Variants in NLK observed in about 807,000 individuals in gnomAD.
NLK encodes the protein serine/threonine-protein kinase NLK.
In NLK, 11 loss-of-function variants were observed where a neutral mutation model predicts 59.0. That is an observed-to-expected ratio of 0.19 (90% CI 0.12 to 0.31). The LOEUF (loss-of-function observed/expected upper bound fraction) is 0.31. Ranked by LOEUF, NLK falls within the 10% of genes least tolerant of loss-of-function variation. The pLI, the probability that NLK is intolerant of heterozygous loss-of-function variation, is 1.00. For synonymous variants in NLK, 235 were observed against 235.9 expected (o/e 1.00, Z 0.03); for missense variants, 410 against 661.1 (o/e 0.62, Z 4.16).
chr17:28,053,923 G>T (rs1389854564), intron 1 of NLK, among the ~76,000 whole-genome samples: 1 of 152,088 alleles, frequency 6.6e-6, no homozygotes, highest in Non-Finnish European at 1.5e-5. Flanking sequence ...TACCCAAAGG[G>T]TACAATTATC....
chr17:28,149,693 C>T (rs1907402143), intron 3 of NLK, among the ~76,000 whole-genome samples: 1 of 152,122 alleles, frequency 6.6e-6, no homozygotes, highest in African/African-American at 2.4e-5. Flanking sequence ...AGATGAATAG[C>T]CATAACAGTG....
intron 1 of NLK, among the ~76,000 whole-genome samples, chr17:28,082,166 G>A (rs529988079): frequency 4.1e-4 from 63 of 152,300 alleles, no homozygotes; most frequent in Middle Eastern, 3.4e-3. Flanking sequence ...GCCTCCCAAA[G>A]TGCTGGGATT....
intron 1 of NLK, among the ~76,000 whole-genome samples, chr17:28,083,179 AAT>A (rs1387464446): frequency 6.6e-6 from 1 of 152,158 alleles, no homozygotes; most frequent in Non-Finnish European, 1.5e-5. Flanking sequence ...TTATTTGTTT[AAT>A]TATTAGATGA....
intron 2 of NLK, among the ~76,000 whole-genome samples, chr17:28,128,298 A>G (rs1488188894): frequency 1.3e-5 from 2 of 152,204 alleles, no homozygotes; most frequent in Non-Finnish European, 2.9e-5. Flanking sequence ...TAAGAACTAA[A>G]TGTTCAATTA....
At chr17:28,093,608 G>A (rs753879349) in intron 1 of NLK, among the ~76,000 whole-genome samples, 4 of 152,220 alleles carry the variant, frequency 2.6e-5, no homozygotes, top group Non-Finnish European at 5.9e-5. Flanking sequence ...AACATACACT[G>A]TAGAGTCCAA....
chr17:28,079,256 T>C (rs1166378764), intron 1 of NLK, among the ~76,000 whole-genome samples: 1 of 152,238 alleles, frequency 6.6e-6, no homozygotes, highest in Admixed American at 6.5e-5. Context: ...TACCGTATTT[T>C]CTTTATTTAT....
At chr17:28,045,886 T>G (rs1909033449) in intron 1 of NLK, among the ~76,000 whole-genome samples, 2 of 152,198 alleles carry the variant, frequency 1.3e-5, no homozygotes, top group African/African-American at 4.8e-5. Context: ...TCTAAAATGA[T>G]TATAATGGAA....
chr17:28,055,217 C>A (rs1025572970), intron 1 of NLK, among the ~76,000 whole-genome samples: 1 of 151,592 alleles, frequency 6.6e-6, no homozygotes, highest in Non-Finnish European at 1.5e-5. Context: ...CTCATCTTCC[C>A]GAGTAGCTGG....
chr17:28,204,266 C>A, the NLK span, among the ~76,000 whole-genome samples: 1 of 152,228 alleles, frequency 6.6e-6, no homozygotes, highest in Non-Finnish European at 1.5e-5. Flanking sequence ...GCCGCTAGTT[C>A]TGCAGCTTTA....
intron 3 of NLK, among the ~76,000 whole-genome samples, chr17:28,151,179 C>A (rs1385899784): frequency 6.6e-6 from 1 of 152,098 alleles, no homozygotes; most frequent in Non-Finnish European, 1.5e-5. Context: ...TCTTTTCAGG[C>A]CCTCATTTAA....
intron 1 of NLK, among the ~76,000 whole-genome samples, chr17:28,117,735 G>A (rs1905842391): frequency 6.6e-6 from 1 of 152,102 alleles, no homozygotes; most frequent in Non-Finnish European, 1.5e-5. Flanking sequence ...AATGGAAAAG[G>A]ATCTCTTTCT....
Position 28,042,891 on chromosome 17 carries a change from A to G in NLK, c.18A>G (p.Ala6=). The G allele has an allele frequency of 6.6e-7, 1 of 1,517,660 alleles. No individual in the cohort carries two copies. 94.0% of individuals were successfully genotyped at this position (1,517,660 alleles called of 1,614,324 possible). A position where few individuals can be genotyped will look rare whatever the true frequency, so the allele number is the denominator to read the frequency against. Residue 6 remains alanine, a synonymous_variant, in exon 1 of 11, where the codon GCA becomes GCG. Coordinates refer to ENST00000407008, the MANE Select transcript of NLK (RefSeq NM_016231.5). ...TATTTTGAATGTCTCTTTGTGGCGC[A>G]AGAGCCAACGCAAAAATGATGGCGG... The part of the protein sequence containing the change: MSLCG[A]RANAKMMAAY...
chr17:28,147,706 C>T (rs1907316154), intron 3 of NLK, among the ~76,000 whole-genome samples: 1 of 152,136 alleles, frequency 6.6e-6, no homozygotes, highest in African/African-American at 2.4e-5. Flanking sequence ...CACCTAATGT[C>T]CTTGATCTTC....
At chr17:28,124,916 G>T (rs1181853433) in intron 2 of NLK, among the ~76,000 whole-genome samples, 1 of 152,010 alleles carries the variant, frequency 6.6e-6, no homozygotes, top group Non-Finnish European at 1.5e-5. Flanking sequence ...GGGTTTGGTG[G>T]CACATGCCTA....
intron 1 of NLK, among the ~76,000 whole-genome samples, chr17:28,059,168 T>G (rs1184701502): frequency 6.6e-6 from 1 of 152,148 alleles, no homozygotes; most frequent in Non-Finnish European, 1.5e-5. Context: ...CTTGCCATTA[T>G]GTATTAAAAG....
chr17:28,109,212 G>T (rs972208105), intron 1 of NLK, among the ~76,000 whole-genome samples: 5 of 151,958 alleles, frequency 3.3e-5, no homozygotes, highest in Non-Finnish European at 4.4e-5. Flanking sequence ...ATTTCCAGGT[G>T]ATTCCTGTTT....
intron 2 of NLK, among the ~76,000 whole-genome samples, chr17:28,123,737 A>T (rs1476233204): frequency 6.6e-6 from 1 of 152,188 alleles, no homozygotes; most frequent in East Asian, 1.9e-4. Context: ...GTGAAGACTT[A>T]TAGACAAATA....
intron 1 of NLK, among the ~76,000 whole-genome samples, chr17:28,086,346 T>C (rs1910516008): frequency 1.3e-5 from 2 of 152,248 alleles, no homozygotes; most frequent in Non-Finnish European, 2.9e-5. Flanking sequence ...TTGAATAATA[T>C]GGGCATAATA....
intron 1 of NLK, among the ~76,000 whole-genome samples, chr17:28,060,957 A>C (rs990005839): frequency 6.6e-6 from 1 of 152,226 alleles, no homozygotes; most frequent in Non-Finnish European, 1.5e-5. Context: ...ATTGAAAGCA[A>C]CCTAAATGTC....
Sources: allele counts gnomAD v4.1 joint callset (sites outside exome capture counted in the v4.1 genomes callset), GRCh38; gene constraint gnomAD v4.1.1; transcripts MANE v1.5; gene names NCBI Gene and HGNC (gene_info 2026-07-23, HGNC 2026-07-21).